PREPL: variants seen among roughly 807,000 people sequenced by gnomAD.
The protein encoded by PREPL is prolyl endopeptidase like, also known as prolyl endopeptidase-like.
A neutral mutation model predicts 70.6 loss-of-function variants in PREPL; 77 were observed. That is an observed-to-expected ratio of 1.09 (90% CI 0.91 to 1.32). PREPL has a LOEUF of 1.32. Ranked by LOEUF, PREPL falls within the 40% of genes most tolerant of loss-of-function variation. The pLI, the probability that PREPL is intolerant of heterozygous loss-of-function variation, is 0.00. For synonymous variants in PREPL, 315 were observed against 264.8 expected, an observed-to-expected ratio of 1.19 and a Z score of -1.84; for missense variants, 1,002 against 778.2, an observed-to-expected ratio of 1.29 and a Z score of -3.42.
At chr2:44,351,211 AGGCGTGAGCCACTG>A (rs977221807) in intron 1 of PREPL, among the ~76,000 whole-genome samples, 3 of 151,702 alleles carry the variant, frequency 2.0e-5, no homozygotes, top group Non-Finnish European at 2.9e-5. Context: ...CTGGGATTAC[AGGCGTGAGCCACTG>A]GGCCTGGCAT....
chr2:44,321,399 CT>C lies in PREPL; in HGVS notation c.1873del (p.Ser625AlafsTer12). 1 of 1,612,926 alleles carries C rather than the reference CT, an allele frequency of 6.2e-7. No individual in the cohort carries two copies. The highest frequency in any genetic ancestry group is 1.7e-5 in the Admixed American group (1 of 59,974). On this transcript the variant is annotated frameshift_variant, in exon 14 of 14. Transcript: ENST00000409411. LOFTEE classifies it high-confidence loss of function. ...CTTAAGATCCTCGAAAACACTGGTG[CT>C]GTCAAGTCCAAGTTCCTCGTACAGG... ...KFLYEELGLD[S>X]TSVFEDLKKY...
chr2:44,327,229 T>C (rs1179203113), intron 9 of PREPL, among the ~76,000 whole-genome samples: 8 of 152,260 alleles, frequency 5.3e-5, no homozygotes, highest in Non-Finnish European at 8.8e-5. Context: ...AGGGATTAAG[T>C]ACAGACCTTA....
intron 6 of PREPL, 89 bp downstream of exon 6, chr2:44,339,058 A>T (rs1674938532): frequency 3.9e-6 from 6 of 1,538,460 alleles, no homozygotes. Context: ...AATTTATAAA[A>T]CAATGAGCTC....
At position 44,320,389 on chromosome 2, in the gene PREPL, C is replaced by T; in HGVS notation, c.*967G>A. 6.2e-7 allele frequency: 1 copy of T among 1,614,036 alleles called. No homozygotes were observed. On this transcript the variant is annotated 3_prime_UTR_variant, in exon 14 of 14. Coordinates refer to ENST00000409411, the MANE Select transcript of PREPL (RefSeq NM_001171613.2). Reference sequence around the variant, plus strand: ...GTGGTTCTGAATTTTGGAGAATCAACACTGTTAAATCTACATAATATGATT... The same window carrying T: ...GTGGTTCTGAATTTTGGAGAATCAATACTGTTAAATCTACATAATATGATT...
intron 10 of PREPL, among the ~76,000 whole-genome samples, chr2:44,324,445 A>G (rs549299998): frequency 1.3e-5 from 2 of 152,350 alleles, no homozygotes; most frequent in Admixed American, 6.5e-5. Flanking sequence ...AAAATACACA[A>G]GGAATAAAGT....
Position 44,346,264 on chromosome 2 carries a change from T to G in PREPL, c.75+4A>C. On this transcript the variant is annotated splice_donor_region_variant and intron_variant, in intron 2 of 13. Coordinates refer to ENST00000409411, the MANE Select transcript of PREPL (RefSeq NM_001171613.2). ...TTTTTTTTTAAAGACATGAGATATCTTACTTCCACATTGATGATTTCATAT... is the reference window on the plus strand; with the variant it reads ...TTTTTTTTTAAAGACATGAGATATCGTACTTCCACATTGATGATTTCATAT... 6.2e-7 allele frequency: 1 copy of G among 1,606,874 alleles called. No homozygotes were observed. Among genetic ancestry groups the G allele is most frequent in the East Asian group, 2.2e-5 (1 of 44,722 alleles).
Position 44,322,738 on chromosome 2 carries a change from T to C in PREPL, c.1746A>G (p.Thr582=). The change falls in exon 12 of 14, where the codon ACA becomes ACG. Residue 582 remains threonine, a synonymous_variant. Transcript: ENST00000409411. ...TTCTAGGGGGTCTCCTACCTTCACC[T>C]GTGTCCTTAGCATGCTCCGCGATGG... ...KEAIAEHAKD[T]GEGYQTPNII... The C allele has an allele frequency of 6.2e-7, 1 of 1,613,536 alleles. No homozygotes were observed. The highest frequency in any genetic ancestry group is 2.2e-5 in the East Asian group (1 of 44,880).
intron 7 of PREPL, among the ~76,000 whole-genome samples, chr2:44,334,276 T>C (rs1305559828): frequency 6.6e-6 from 1 of 152,162 alleles, no homozygotes; most frequent in African/African-American, 2.4e-5. Flanking sequence ...AGAAACAGGT[T>C]CAGTTTTAGC....
Position 44,321,060 on chromosome 2 carries a change from T to C in PREPL, c.*296A>G, listed in dbSNP as rs181839662. ...TTGTAAACTGCTCAACTGTTCTGAC[T>C]GGAAGGGAGGCCTGGAGCTCTGCTA... On this transcript the variant is annotated 3_prime_UTR_variant, in exon 14 of 14. Transcript: ENST00000409411. The C allele has an allele frequency of 2.4e-3, 1,010 of 415,042 alleles. 22 individuals carry two copies. Among genetic ancestry groups the C allele is most frequent in the Non-Finnish European group, 7.6e-4 (173 of 228,410 alleles). 25.7% of individuals were successfully genotyped at this position (415,042 alleles called of 1,614,324 possible).
At position 44,352,339 on chromosome 2, in the gene PREPL, T is replaced by C. The variant is rs188733053; in HGVS notation, c.-48-5949A>G. The stretch of plus-strand genomic sequence containing the variant: ...AGTGCAGTGGCATGATCTCGGCTCA[T>C]TGCAACCTCTGCCTCCTGGGCTCAA... On this transcript the variant is annotated intron_variant, in intron 1 of 13. Coordinates refer to ENST00000409411, the MANE Select transcript of PREPL (RefSeq NM_001171613.2). 1.4e-4 allele frequency among the ~76,000 whole-genome samples: 21 copies of C among 152,174 alleles called. No individual in the cohort carries two copies. In the East Asian group the frequency reaches 1.5e-3, roughly 11 times the overall value.
chr2:44,338,774 G>A (rs1674901855), intron 6 of PREPL, among the ~76,000 whole-genome samples: 1 of 152,154 alleles, frequency 6.6e-6, no homozygotes, highest in African/African-American at 2.4e-5. Flanking sequence ...ACATTTGAGT[G>A]AGGGCACTGA....
chr2:44,327,686 C>T lies in PREPL; in HGVS notation c.1263-758G>A, dbSNP rs181327836. Among the ~76,000 whole-genome samples the T allele has an allele frequency of 8.0e-4, 121 of 151,536 alleles. 1 individual carries two copies. The highest frequency in any genetic ancestry group is 1.5e-3 in the Non-Finnish European group (99 of 67,830). On this transcript the variant is annotated intron_variant, in intron 9 of 13. Coordinates refer to ENST00000409411, the MANE Select transcript of PREPL (RefSeq NM_001171613.2). Reference sequence around the variant, plus strand: ...GACCAGACTGGCCAACATGGTGAAACCCCCGTCTCTCCTAAAAATAGAAAA... The same window carrying T: ...GACCAGACTGGCCAACATGGTGAAATCCCCGTCTCTCCTAAAAATAGAAAA...
intron 4 of PREPL, among the ~76,000 whole-genome samples, chr2:44,343,331 A>T (rs774692581): frequency 6.6e-6 from 1 of 152,202 alleles, no homozygotes; most frequent in Non-Finnish European, 1.5e-5. Context: ...AGTTCAACAC[A>T]TACCAAGTTC....
chr2:44,329,784 A>G (rs924643205), intron 8 of PREPL, among the ~76,000 whole-genome samples: 9 of 152,298 alleles, frequency 5.9e-5, no homozygotes, highest in Non-Finnish European at 7.4e-5. Context: ...CCATCCCCCA[A>G]TGTAGCTCAA....
chr2:44,332,436 A>C (rs765551392), intron 8 of PREPL, 23 bp downstream of exon 8: 2 of 1,584,780 alleles, frequency 1.3e-6, no homozygotes, highest in Non-Finnish European at 8.7e-7. Flanking sequence ...ATGGGAGCTG[A>C]AAGTGAAGAT....
At chr2:44,352,909 T>G (rs965531817) in intron 1 of PREPL, among the ~76,000 whole-genome samples, 1 of 152,020 alleles carries the variant, frequency 6.6e-6, no homozygotes, top group Non-Finnish European at 1.5e-5. Context: ...AAGACAAGAA[T>G]AGGCATTCAA....
intron 3 of PREPL, among the ~76,000 whole-genome samples, 197 bp from the exon 4 acceptor site, chr2:44,344,148 A>G (rs1675524813): frequency 1.3e-5 from 2 of 152,210 alleles, no homozygotes; most frequent in Non-Finnish European, 2.9e-5. Flanking sequence ...ATTCAATACT[A>G]TTCTGTGCAT....
intron 9 of PREPL, 123 bp from the exon 10 acceptor site, chr2:44,327,051 T>C: frequency 1.4e-5 from 11 of 781,988 alleles, no homozygotes; most frequent in Non-Finnish European, 2.1e-5. Context: ...TGGTTTTTGC[T>C]TTTTAAAGGT....
chr2:44,344,040 C>A (rs376208797), intron 3 of PREPL, 89 bp from the exon 4 acceptor site: 4 of 1,435,350 alleles, frequency 2.8e-6, no homozygotes, highest in African/African-American at 2.9e-5. Flanking sequence ...ATTAGAATTC[C>A]CATTCTGTAA....
Sources: allele counts gnomAD v4.1 joint callset (sites outside exome capture counted in the v4.1 genomes callset), GRCh38; gene constraint gnomAD v4.1.1; transcripts MANE v1.5; gene names NCBI Gene and HGNC (gene_info 2026-07-23, HGNC 2026-07-21).